BRD1: variants seen among roughly 807,000 people sequenced by gnomAD.
The protein encoded by BRD1 is bromodomain containing 1, also known as bromodomain-containing protein 1.
A neutral mutation model predicts 107.7 loss-of-function variants in BRD1; 24 were observed. The ratio of observed to expected loss-of-function variants is 0.22; its 90% CI spans 0.16 to 0.31. The LOEUF (loss-of-function observed/expected upper bound fraction) is 0.31. Among genes scored for constraint, BRD1 ranks in the 10% least tolerant of loss-of-function variants. The pLI, the probability that BRD1 is intolerant of heterozygous loss-of-function variation, is 1.00. For missense variants in BRD1, 1,279 were observed against 1,638.6 expected (o/e 0.78, Z 3.79); for synonymous variants, 744 against 686.1 (o/e 1.08, Z -1.32).
intron 7 of BRD1, among the ~76,000 whole-genome samples, chr22:49,788,438 C>T (rs552382829): frequency 1.3e-5 from 2 of 152,206 alleles, no homozygotes; most frequent in Non-Finnish European, 1.5e-5. Flanking sequence ...AAAAAAGCCC[C>T]GCTCCCCACA....
At chr22:49,775,378 A>C (rs1187633418) in intron 12 of BRD1, 6 of 404,230 alleles carry the variant, frequency 1.5e-5, no homozygotes, top group Non-Finnish European at 2.6e-5. Context: ...GCAGAGACAG[A>C]CCCGGTGCTC....
At chr22:49,804,043 C>A (rs1327725327) in intron 3 of BRD1, among the ~76,000 whole-genome samples, 161 bp downstream of exon 3, 1 of 152,226 alleles carries the variant, frequency 6.6e-6, no homozygotes. Flanking sequence ...CCCAGTGCAC[C>A]CGACTCCTCC....
intron 9 of BRD1, among the ~76,000 whole-genome samples, 175 bp from the exon 10 acceptor site, chr22:49,777,336 G>A (rs1446921738): frequency 1.3e-5 from 2 of 152,240 alleles, no homozygotes; most frequent in Non-Finnish European, 2.9e-5. Flanking sequence ...GTGGCAGGGG[G>A]GACTCAGGAG....
chr22:49,784,794 G>A (rs4824098), intron 8 of BRD1, among the ~76,000 whole-genome samples: 13,186 of 152,238 alleles, frequency 0.087, 701 homozygotes, highest in South Asian at 0.16. Flanking sequence ...GGCGGGACTG[G>A]CACCATTCAG....
intron 7 of BRD1, among the ~76,000 whole-genome samples, chr22:49,788,188 G>GT (rs2059366064): frequency 6.6e-6 from 1 of 152,174 alleles, no homozygotes; most frequent in South Asian, 2.1e-4. Context: ...GTTCATGACA[G>GT]TTTCTGCAAT....
At position 49,798,574 on chromosome 22, in the gene BRD1, G is replaced by A; in HGVS notation, c.1769C>T (p.Pro590Leu). Residue 590 changes from proline (P) to leucine (L), a missense_variant, in exon 5 of 13, where the codon CCC (proline) becomes CTC (leucine). Transcript: ENST00000404760. ...DKDPARIFAQ[P>L]VSLKEVPDYL... is the part of the protein sequence containing the mutation. ...AACACCCACCTCCTTCAGACTCACG[G>A]GCTGCGCAAATATCCTGGCGGGGTC... 1 of 1,614,188 alleles carries A rather than the reference G, an allele frequency of 6.2e-7. No homozygotes were observed. The highest frequency in any genetic ancestry group is 8.5e-7 in the Non-Finnish European group (1 of 1,180,032).
intron 7 of BRD1, among the ~76,000 whole-genome samples, chr22:49,793,071 A>G (rs1415787148): frequency 6.6e-6 from 1 of 152,208 alleles, no homozygotes; most frequent in African/African-American, 2.4e-5. Flanking sequence ...GAAGGGCAAG[A>G]AGGCTGAGAA....
rs752026777 is a variant in BRD1 at position 49,822,892 on chromosome 22, G to A, written c.1367+59C>T. The A allele has an allele frequency of 3.8e-4, 600 of 1,572,004 alleles. 1 individual carries two copies. The highest frequency in any genetic ancestry group is 7.8e-4 in the Middle Eastern group (4 of 5,104). ...CACGGGCCCTGCAGGCTGTGCCCAC[G>A]TCCTCCCAGGGTCCCACACTGCAGG... is the stretch of plus-strand genomic sequence containing the variant. On this transcript the variant is annotated intron_variant, in intron 2 of 12. Transcript: ENST00000404760.
In BRD1 at chr22:49,787,830, G is replaced by A. The variant is rs928765024; in HGVS notation, c.2417C>T (p.Ser806Leu). 50 of 1,550,504 alleles carry A rather than the reference G, an allele frequency of 3.2e-5. No homozygotes were observed. Among genetic ancestry groups the A allele is most frequent in the East Asian group, 4.9e-5 (2 of 40,926 alleles). The change falls in exon 8 of 13, where the codon TCG becomes TTG. Residue 806 changes from serine (S) to leucine (L), a missense_variant. This residue lies in a region of BRD1 where 406 missense variants were observed against 519.4 expected (regional missense o/e 0.78). Coordinates refer to ENST00000404760, the MANE Select transcript of BRD1 (RefSeq NM_001304808.3). Reference protein sequence around the residue: ...PSDALPLPSNSETNSEPPTLK... With the variant: ...PSDALPLPSNLETNSEPPTLK... ...GGTTGGTGGTTCTGAATTAGTCTCC[G>A]AGTTTGAAGGAAGAGGTAATGCATC...
chr22:49,788,516 T>C (rs935229864), intron 7 of BRD1, among the ~76,000 whole-genome samples: 44 of 152,186 alleles, frequency 2.9e-4, no homozygotes, highest in African/African-American at 1.1e-3. Context: ...AATCTGACTT[T>C]TAAAAATAAG....
chr22:49,810,578 A>G (rs749518156), intron 2 of BRD1, among the ~76,000 whole-genome samples: 7 of 152,226 alleles, frequency 4.6e-5, no homozygotes, highest in Non-Finnish European at 1.0e-4. Context: ...CAAGTCATGT[A>G]TCTAATAGGG....
intron 11 of BRD1, 70 bp from the exon 12 acceptor site, chr22:49,775,815 A>ACCCTCC: frequency 8.8e-7 from 1 of 1,141,502 alleles, no homozygotes. Context: ...TGTCACTGGC[A>ACCCTCC]CCCCCCCCCG....
intron 1 of BRD1, chr22:49,826,369 G>C (rs1343462329): frequency 3.1e-6 from 2 of 637,404 alleles, no homozygotes; most frequent in African/African-American, 4.0e-5. Flanking sequence ...GCCCTCAGCA[G>C]GGCAGGGCGA....
chr22:49,822,831 G>A, intron 2 of BRD1, 120 bp downstream of exon 2: 1 of 1,179,482 alleles, frequency 8.5e-7, no homozygotes, highest in Non-Finnish European at 1.2e-6. Flanking sequence ...GGAATATTAG[G>A]AAGCTGCGCC....
intron 2 of BRD1, 130 bp downstream of exon 2, chr22:49,822,821 G>A (rs2060094000): frequency 9.5e-7 from 1 of 1,057,840 alleles, no homozygotes; most frequent in East Asian, 2.4e-5. Context: ...ACACTTCAGG[G>A]GAATATTAGG....
Position 49,824,614 on chromosome 22 carries a change from A to C in BRD1, c.-14-283T>G. 8.1e-7 allele frequency: 1 copy of C among 1,240,868 alleles called. No homozygotes were observed. Among genetic ancestry groups the C allele is most frequent in the Non-Finnish European group, 1.0e-6 (1 of 982,020 alleles). The allele number at this position is 1,240,868 out of a possible 1,614,324, so 76.9% of individuals were successfully genotyped here. On this transcript the variant is annotated intron_variant, in intron 1 of 12. Coordinates refer to ENST00000404760, the MANE Select transcript of BRD1 (RefSeq NM_001304808.3). This position sits in a 1 kb window ranked among gnomAD's most constrained non-coding sequence, Gnocchi z 5.9. ...ACACACCAGTCCCCTCTCAGACCACACCAACAGGCTGCGGAGACCACAGCA... is the reference window on the plus strand; with the variant it reads ...ACACACCAGTCCCCTCTCAGACCACCCCAACAGGCTGCGGAGACCACAGCA...
chr22:49,807,742 A>C (rs1412690878), intron 2 of BRD1, among the ~76,000 whole-genome samples: 1 of 152,246 alleles, frequency 6.6e-6, no homozygotes, highest in Non-Finnish European at 1.5e-5. Flanking sequence ...AAACAAAAAG[A>C]AAAAATAAAC....
At chr22:49,826,806 C>T (rs2060152501) in intron 1 of BRD1, among the ~76,000 whole-genome samples, 1 of 152,198 alleles carries the variant, frequency 6.6e-6, no homozygotes, top group African/African-American at 2.4e-5. Context: ...GAGACGGGGC[C>T]GCACCCCGCG....
At chr22:49,777,436 G>T (rs965887870) in intron 9 of BRD1, among the ~76,000 whole-genome samples, 19 of 152,240 alleles carry the variant, frequency 1.2e-4, no homozygotes, top group African/African-American at 4.6e-4. Context: ...CTTCATTGCA[G>T]ATTCTAAAAT....
Sources: allele counts gnomAD v4.1 joint callset (sites outside exome capture counted in the v4.1 genomes callset), GRCh38; gene constraint gnomAD v4.1.1; regional missense constraint gnomAD v4.1.1; non-coding constraint Gnocchi (gnomAD v3.1); transcripts MANE v1.5; gene names NCBI Gene and HGNC (gene_info 2026-07-23, HGNC 2026-07-21).